PPP1R36: variants seen among roughly 807,000 people sequenced by gnomAD.
PPP1R36 encodes the protein protein phosphatase 1 regulatory subunit 36.
A neutral mutation model predicts 53.4 loss-of-function variants in PPP1R36; 47 were observed. That is an observed-to-expected ratio of 0.88 (90% confidence interval 0.70 to 1.12). The LOEUF is 1.12. Among genes scored for constraint, PPP1R36 ranks in the 50% most tolerant of loss-of-function variants. The pLI, the probability that PPP1R36 is intolerant of heterozygous loss-of-function variation, is 0.00. For synonymous variants in PPP1R36, 153 were observed against 170.5 expected, an observed-to-expected ratio of 0.90 and a Z score of 0.80; for missense variants, 456 against 513.9, an observed-to-expected ratio of 0.89 and a Z score of 1.09.
chr14:64,569,295 C>T (rs1296647417), intron 7 of PPP1R36, among the ~76,000 whole-genome samples: 3 of 152,086 alleles, frequency 2.0e-5, no homozygotes, highest in Non-Finnish European at 4.4e-5. Context: ...GGAACCAACC[C>T]AATGATTTAG....
At chr14:64,567,645 A>G (rs17751805) in intron 6 of PPP1R36, among the ~76,000 whole-genome samples, 6,610 of 152,212 alleles carry the variant, frequency 0.043, 191 homozygotes, top group African/African-American at 0.065. Context: ...AAGTTTAGAA[A>G]GGATTCATAC....
At chr14:64,573,127 T>TAA (rs1333940915) in intron 7 of PPP1R36, among the ~76,000 whole-genome samples, 1 of 152,214 alleles carries the variant, frequency 6.6e-6, no homozygotes. Context: ...CACTTTTCCA[T>TAA]AAGAGTACAA....
intron 3 of PPP1R36, among the ~76,000 whole-genome samples, chr14:64,557,654 T>C (rs2080167375): frequency 6.6e-6 from 1 of 152,220 alleles, no homozygotes; most frequent in Non-Finnish European, 1.5e-5. Flanking sequence ...AAGCCTTTGA[T>C]AGATATCTTC....
chr14:64,577,919 G>A (rs1233991032), intron 8 of PPP1R36, among the ~76,000 whole-genome samples: 1 of 151,666 alleles, frequency 6.6e-6, no homozygotes, highest in Non-Finnish European at 1.5e-5. Context: ...TAGAGACAGG[G>A]TTTCACCATG....
chr14:64,552,853 T>C lies in PPP1R36; in HGVS notation c.174T>C (p.His58=). The C allele has an allele frequency of 6.2e-7, 1 of 1,613,686 alleles. No homozygotes were observed. The highest frequency in any genetic ancestry group is 1.1e-5 in the South Asian group (1 of 91,084). ...AEDSVQWLLK[H]HPHFTPAAEV... ...ATTCTGTCCAGTGGCTCCTGAAACA[T>C]CACCCTCAGTGAGTGTGAGACAGAC... The change falls in exon 3 of 12, where the codon CAT becomes CAC. Residue 58 remains histidine, a synonymous_variant. Transcript: ENST00000298705.
chr14:64,589,069 C>T lies in PPP1R36; in HGVS notation c.1083-83C>T, dbSNP rs2080462325. The T allele has an allele frequency of 3.9e-6, 4 of 1,017,210 alleles. No individual in the cohort carries two copies. The East Asian group carries it at 7.2e-5, about 18-fold the overall frequency. The allele number at this position is 1,017,210 out of a possible 1,614,324, so 63.0% of individuals were successfully genotyped here. A position where few individuals can be genotyped will look rare whatever the true frequency, so the allele number is the denominator to read the frequency against. On this transcript the variant is annotated intron_variant, in intron 11 of 11. Coordinates refer to ENST00000298705, the MANE Select transcript of PPP1R36 (RefSeq NM_172365.3). Reference sequence around the variant, plus strand: ...GTGTACATACACACACACATACATACACACAACCACAATCACAGTCTCAAC... The same window carrying T: ...GTGTACATACACACACACATACATATACACAACCACAATCACAGTCTCAAC...
intron 7 of PPP1R36, 140 bp downstream of exon 7, chr14:64,568,587 G>C (rs990308193): frequency 2.2e-6 from 1 of 446,444 alleles, no homozygotes; most frequent in African/African-American, 2.0e-5. Flanking sequence ...GAGTGTGTCA[G>C]TTTTTAAAGC....
chr14:64,575,022 G>A (rs1420934890), intron 8 of PPP1R36, among the ~76,000 whole-genome samples: 2 of 152,198 alleles, frequency 1.3e-5, no homozygotes, highest in Admixed American at 1.3e-4. Context: ...TGGATTCTAA[G>A]ATGGTTCTTT....
chr14:64,576,223 G>C (rs1211568974), intron 8 of PPP1R36, among the ~76,000 whole-genome samples: 1 of 151,744 alleles, frequency 6.6e-6, no homozygotes, highest in African/African-American at 2.4e-5. Flanking sequence ...TGGGATTACA[G>C]GCACACACCA....
In PPP1R36 at chr14:64,587,371, A is replaced by C; in HGVS notation, c.889A>C (p.Arg297=). The part of the protein sequence containing the change: ...EKKRMTFVQF[R]RMMAKRPAIK... ...GAAACGCATGACTTTTGTTCAGTTC[A>C]GGTATGACCTTTTGACTTTCCTATG... Residue 297 remains arginine, a splice_region_variant and synonymous_variant, in exon 10 of 12, where the codon AGG becomes CGG. Coordinates refer to ENST00000298705, the MANE Select transcript of PPP1R36 (RefSeq NM_172365.3). 2 of 1,588,156 alleles carry C rather than the reference A, an allele frequency of 1.3e-6. No homozygotes were observed. The highest frequency in any genetic ancestry group is 1.7e-6 in the Non-Finnish European group (2 of 1,166,784).
At chr14:64,582,576 CA>C (rs2080397403) in intron 8 of PPP1R36, among the ~76,000 whole-genome samples, 1 of 152,094 alleles carries the variant, frequency 6.6e-6, no homozygotes, top group Admixed American at 6.6e-5. Context: ...TGTAGTAGTC[CA>C]AATTGAAACA....
At chr14:64,560,507 T>C (rs1340625590) in intron 3 of PPP1R36, among the ~76,000 whole-genome samples, 3 of 151,196 alleles carry the variant, frequency 2.0e-5, no homozygotes, top group Non-Finnish European at 4.4e-5. Context: ...GAGATAAGAC[T>C]GGAGGCAAGG....
chr14:64,551,635 T>C (rs1396537078), intron 2 of PPP1R36: 1 of 456,302 alleles, frequency 2.2e-6, no homozygotes, highest in Admixed American at 2.3e-5. Flanking sequence ...ATTTTATAGA[T>C]GAAGAAACAA....
At chr14:64,579,713 G>A (rs1045636009) in intron 8 of PPP1R36, among the ~76,000 whole-genome samples, 3 of 152,342 alleles carry the variant, frequency 2.0e-5, no homozygotes, top group African/African-American at 7.2e-5. Flanking sequence ...GCTCACGCCT[G>A]TAATCCCAGC....
chr14:64,565,551 T>C (rs1235435937), intron 5 of PPP1R36, 75 bp from the exon 6 acceptor site: 21 of 1,429,356 alleles, frequency 1.5e-5, no homozygotes, highest in Non-Finnish European at 2.1e-5. Flanking sequence ...ATAACATCCA[T>C]ACATAAACGT....
intron 11 of PPP1R36, 94 bp downstream of exon 11, chr14:64,588,389 G>A: frequency 8.8e-7 from 1 of 1,135,440 alleles, no homozygotes; most frequent in South Asian, 1.6e-5. Context: ...GCCTCTGCCA[G>A]GGAATCGAGC....
intron 3 of PPP1R36, among the ~76,000 whole-genome samples, chr14:64,558,301 G>C (rs1422083939): frequency 6.6e-6 from 1 of 152,292 alleles, no homozygotes; most frequent in East Asian, 1.9e-4. Context: ...GTACTCAGCT[G>C]GGTGTGGTGG....
intron 8 of PPP1R36, among the ~76,000 whole-genome samples, chr14:64,582,147 C>G (rs977414831): frequency 3.3e-5 from 5 of 151,990 alleles, no homozygotes; most frequent in African/African-American, 1.2e-4. Flanking sequence ...TACCCTTACC[C>G]CCAGTCACAT....
At chr14:64,569,174 G>A (rs1031712459) in intron 7 of PPP1R36, among the ~76,000 whole-genome samples, 6 of 152,166 alleles carry the variant, frequency 3.9e-5, no homozygotes, top group African/African-American at 4.8e-5. Context: ...GTACACCAGG[G>A]CAAGAATCTG....
Sources: gnomAD v4.1 joint callset for allele counts (sites outside exome capture counted in the v4.1 genomes callset) on GRCh38, gnomAD v4.1.1 for gene constraint, MANE v1.5 for transcripts, NCBI Gene and HGNC (gene_info 2026-07-23, HGNC 2026-07-21) for gene names.